FHIT: variants seen among roughly 807,000 people sequenced by gnomAD.
FHIT encodes bis(5'-adenosyl)-triphosphatase.
A neutral mutation model predicts 17.9 loss-of-function variants in FHIT; 19 were observed. The observed-to-expected ratio is 1.06, with a 90% CI of 0.74 to 1.56. The LOEUF (loss-of-function observed/expected upper bound fraction) is 1.56. Ranked by LOEUF, FHIT falls within the 40% of genes most tolerant of loss-of-function variation. The pLI, the probability that FHIT is intolerant of heterozygous loss-of-function variation, is 0.00. For missense variants in FHIT, 248 were observed against 189.2 expected (o/e 1.31, Z -1.82); for synonymous variants, 81 against 69.7 (o/e 1.16, Z -0.81).
At chr3:60,949,344 C>T (rs1553776577) in intron 3 of FHIT, among the ~76,000 whole-genome samples, 2 of 152,130 alleles carry the variant, frequency 1.3e-5, no homozygotes. Context: ...CTTGCTATGC[C>T]TGCAATACTT....
intron 8 of FHIT, among the ~76,000 whole-genome samples, chr3:59,816,129 G>C (rs1159602786): frequency 6.6e-6 from 1 of 152,210 alleles, no homozygotes; most frequent in Non-Finnish European, 1.5e-5. Flanking sequence ...CTCACAGAGA[G>C]TGACAGCCAA....
At chr3:61,185,650 C>T (rs1435168860) in intron 2 of FHIT, among the ~76,000 whole-genome samples, 1 of 152,092 alleles carries the variant, frequency 6.6e-6, no homozygotes, top group East Asian at 1.9e-4. Context: ...GATGAGGATG[C>T]AGTAGGATAA....
chr3:60,571,363 A>AAAAAAAAAAG (rs2037376968), intron 4 of FHIT, among the ~76,000 whole-genome samples: 1 of 139,292 alleles, frequency 7.2e-6, no homozygotes, highest in African/African-American at 2.6e-5. Flanking sequence ...AAAAAAAAAA[A>AAAAAAAAAAG]GAACAATGAA....
At chr3:60,521,257 T>C (rs1322871985) in intron 5 of FHIT, among the ~76,000 whole-genome samples, 1 of 79,194 alleles carries the variant, frequency 1.3e-5, no homozygotes, top group Non-Finnish European at 2.6e-5. Context: ...AGTATTATTA[T>C]TATTTTTTGA....
chr3:60,358,606 A>G (rs1360868827), intron 5 of FHIT, among the ~76,000 whole-genome samples: 1 of 152,234 alleles, frequency 6.6e-6, no homozygotes, highest in Non-Finnish European at 1.5e-5. Context: ...TTTATTTCAG[A>G]AAGAGCATAG....
intron 8 of FHIT, among the ~76,000 whole-genome samples, chr3:59,904,672 A>C (rs961609596): frequency 6.6e-6 from 1 of 152,086 alleles, no homozygotes; most frequent in South Asian, 2.1e-4. Context: ...GAGCTCTTGT[A>C]CCATGCCCAA....
At chr3:60,301,480 A>C (rs1315734739) in intron 5 of FHIT, among the ~76,000 whole-genome samples, 1 of 152,168 alleles carries the variant, frequency 6.6e-6, no homozygotes, top group East Asian at 1.9e-4. Flanking sequence ...CCATACACAT[A>C]AACTCTGTTC....
intron 3 of FHIT, among the ~76,000 whole-genome samples, chr3:60,963,428 C>T (rs1399350987): frequency 6.6e-6 from 1 of 152,182 alleles, no homozygotes; most frequent in Non-Finnish European, 1.5e-5. Context: ...TCTCTATCTC[C>T]TTCAGTTCTG....
chr3:60,275,228 A>AGG (rs1423501416), intron 5 of FHIT, among the ~76,000 whole-genome samples: 15 of 127,146 alleles, frequency 1.2e-4, no homozygotes, highest in Admixed American at 1.6e-4. Context: ...TCTGGAAGAA[A>AGG]AGAAAAAAAA....
At chr3:59,972,624 G>C (rs1183808820) in intron 7 of FHIT, among the ~76,000 whole-genome samples, 2 of 152,004 alleles carry the variant, frequency 1.3e-5, no homozygotes, top group Non-Finnish European at 2.9e-5. Flanking sequence ...CAAACTCCCT[G>C]ACAAGTGGAA....
chr3:59,988,127 C>G (rs1709067630), intron 7 of FHIT, among the ~76,000 whole-genome samples: 1 of 152,048 alleles, frequency 6.6e-6, no homozygotes, highest in Admixed American at 6.6e-5. Flanking sequence ...TCCTGGAAAT[C>G]TGGAAGCAAC....
chr3:60,197,418 C>G (rs1559719240), intron 5 of FHIT, among the ~76,000 whole-genome samples: 1 of 152,146 alleles, frequency 6.6e-6, no homozygotes, highest in Non-Finnish European at 1.5e-5. Context: ...AATATGGCAA[C>G]TCAAAAATCT....
intron 5 of FHIT, among the ~76,000 whole-genome samples, chr3:60,202,108 A>G (rs761965336): frequency 6.6e-6 from 1 of 152,222 alleles, no homozygotes; most frequent in Non-Finnish European, 1.5e-5. Flanking sequence ...ACAAAGTGCT[A>G]TAATGTTACA....
intron 5 of FHIT, among the ~76,000 whole-genome samples, chr3:60,351,826 T>C (rs868578717): frequency 7.2e-5 from 11 of 152,136 alleles, no homozygotes; most frequent in African/African-American, 2.4e-5. Context: ...AAATCACTTA[T>C]AGACCCATGC....
At chr3:61,097,456 T>C (rs565239749) in intron 2 of FHIT, among the ~76,000 whole-genome samples, 5 of 152,220 alleles carry the variant, frequency 3.3e-5, no homozygotes, top group Non-Finnish European at 7.3e-5. Context: ...CCTTTGGGTA[T>C]ATAAATACCC....
intron 5 of FHIT, among the ~76,000 whole-genome samples, chr3:60,080,370 A>C (rs905390181): frequency 6.6e-6 from 1 of 152,180 alleles, no homozygotes; most frequent in Non-Finnish European, 1.5e-5. Context: ...ATAGCTTTCA[A>C]ATCAGGAGTC....
chr3:60,760,091 C>T (rs539882263), intron 4 of FHIT, among the ~76,000 whole-genome samples: 1 of 150,066 alleles, frequency 6.7e-6, no homozygotes, highest in South Asian at 2.1e-4. Context: ...TTCCTTTGTT[C>T]TTTTTCTCTC....
At chr3:60,732,831 T>TG (rs2107991947) in intron 4 of FHIT, among the ~76,000 whole-genome samples, 1 of 151,912 alleles carries the variant, frequency 6.6e-6, no homozygotes, top group Admixed American at 6.5e-5. Flanking sequence ...GGACTACAGA[T>TG]GCGAGCTACC....
At chr3:60,129,990 C>A (rs1027166260) in intron 5 of FHIT, among the ~76,000 whole-genome samples, 3 of 152,144 alleles carry the variant, frequency 2.0e-5, no homozygotes, top group Admixed American at 1.3e-4. Context: ...CTCTTTCTCT[C>A]GCTCACCTAC....
Sources: allele counts gnomAD v4.1 joint callset (sites outside exome capture counted in the v4.1 genomes callset), GRCh38; gene constraint gnomAD v4.1.1; transcripts MANE v1.5; gene names NCBI Gene and HGNC (gene_info 2026-07-23, HGNC 2026-07-21).